The following PRKAG2 variants were observed in gnomAD, a reference collection of about 807,000 sequenced individuals.
PRKAG2 encodes the protein 5'-AMP-activated protein kinase subunit gamma-2.
In PRKAG2, 26 loss-of-function variants were observed where a neutral mutation model predicts 69.6. The observed-to-expected ratio is 0.37, with a 90% confidence interval of 0.27 to 0.52. The LOEUF (loss-of-function observed/expected upper bound fraction) is 0.52. PRKAG2 is among the 20% of genes least tolerant of loss of function. PRKAG2 has a pLI of 0.90. For synonymous variants in PRKAG2, 293 were observed against 285.0 expected, an observed-to-expected ratio of 1.03 and a Z score of -0.28; for missense variants, 557 against 740.0, an observed-to-expected ratio of 0.75 and a Z score of 2.87.
intron 4 of PRKAG2, among the ~76,000 whole-genome samples, chr7:151,648,027 A>C (rs1487844868): frequency 6.6e-6 from 1 of 152,146 alleles, no homozygotes; most frequent in Non-Finnish European, 1.5e-5. Flanking sequence ...GAATGCTGCA[A>C]TCAATCTGTT....
rs536761297 is a variant in PRKAG2 at position 151,836,033 on chromosome 7, A to ACCCAGGT, written c.114+40473_114+40474insACCTGGG. Among the ~76,000 whole-genome samples the ACCCAGGT allele has an allele frequency of 1.2e-4, 18 of 152,230 alleles. No homozygotes were observed. The South Asian group carries it at 3.7e-3, about 32-fold the overall frequency. ...ATTTGTGGGACTTGCAGGACCCAGG[A>ACCCAGGT]CCCAGTGCACATCCTGAGTCTAACT... On this transcript the variant is annotated intron_variant, in intron 1 of 15. Transcript: ENST00000287878. This position sits in a 1 kb window ranked among gnomAD's most constrained non-coding sequence, Gnocchi z 4.1.
At chr7:151,821,962 C>G (rs113611655) in intron 1 of PRKAG2, among the ~76,000 whole-genome samples, 1 of 152,154 alleles carries the variant, frequency 6.6e-6, no homozygotes, top group Admixed American at 6.5e-5. Context: ...CTGAGTTTTA[C>G]GGAGGCGAAC....
intron 1 of PRKAG2, among the ~76,000 whole-genome samples, chr7:151,801,858 A>G (rs1307427662): frequency 6.6e-6 from 1 of 152,192 alleles, no homozygotes; most frequent in African/African-American, 2.4e-5. Flanking sequence ...TCAAACAAGA[A>G]AAAGCAAAAA....
chr7:151,557,097 C>G lies in PRKAG2; in HGVS notation c.*104G>C. The G allele has an allele frequency of 1.9e-6, 3 of 1,548,630 alleles. No individual in the cohort carries two copies. Among genetic ancestry groups the G allele is most frequent in the Non-Finnish European group, 2.7e-6 (3 of 1,121,298 alleles). On this transcript the variant is annotated 3_prime_UTR_variant, in exon 16 of 16. Transcript: ENST00000287878. ...CTGGAAGAAATACCTATTGTTAAAC[C>G]CTGATATACATTCTTAACCACTTGC...
intron 4 of PRKAG2, among the ~76,000 whole-genome samples, chr7:151,660,417 T>C (rs1051344581): frequency 1.3e-5 from 2 of 152,254 alleles, no homozygotes; most frequent in Non-Finnish European, 2.9e-5. Context: ...TGAGCCATTC[T>C]ACTGAAATTG....
At chr7:151,859,818 G>T (rs1377405762) in intron 1 of PRKAG2, among the ~76,000 whole-genome samples, 1 of 152,234 alleles carries the variant, frequency 6.6e-6, no homozygotes, top group African/African-American at 2.4e-5. Context: ...GTGCCAAGCA[G>T]TTGAATGATC....
At chr7:151,709,354 A>G (rs1839168740) in intron 3 of PRKAG2, among the ~76,000 whole-genome samples, 1 of 151,854 alleles carries the variant, frequency 6.6e-6, no homozygotes, top group Non-Finnish European at 1.5e-5. Context: ...ATGATATGCA[A>G]TGTGTGACAT....
chr7:151,688,532 C>T (rs1176960237), intron 3 of PRKAG2, among the ~76,000 whole-genome samples: 1 of 152,162 alleles, frequency 6.6e-6, no homozygotes, highest in Non-Finnish European at 1.5e-5. Context: ...AGGGAGGCCT[C>T]CATCATCAGA....
intron 4 of PRKAG2, among the ~76,000 whole-genome samples, chr7:151,642,930 G>A (rs145912626): frequency 6.6e-6 from 1 of 152,328 alleles, no homozygotes; most frequent in Non-Finnish European, 1.5e-5. Context: ...CAGAACCAGG[G>A]TAGTTGGTTA....
chr7:151,682,425 G>T (rs1585730890), intron 3 of PRKAG2, among the ~76,000 whole-genome samples: 1 of 152,140 alleles, frequency 6.6e-6, no homozygotes, highest in African/African-American at 2.4e-5. Context: ...TTTTTGTAGA[G>T]ATGGCATCTT....
chr7:151,728,148 G>A (rs1011311802), intron 3 of PRKAG2, among the ~76,000 whole-genome samples: 4 of 152,106 alleles, frequency 2.6e-5, no homozygotes, highest in African/African-American at 9.7e-5. Flanking sequence ...CCACTGTCAT[G>A]AGACACCCGG....
intron 3 of PRKAG2, among the ~76,000 whole-genome samples, chr7:151,757,874 C>T (rs34563855): frequency 0.048 from 7,330 of 152,282 alleles, 252 homozygotes; most frequent in Non-Finnish European, 0.072. Flanking sequence ...CGTAAAAGGG[C>T]TTTTGTTGAT....
chr7:151,832,041 T>TGGAGGAATCTCAGGAGTCTGGACTAGAAG (rs2079036837), intron 1 of PRKAG2, among the ~76,000 whole-genome samples: 1 of 152,004 alleles, frequency 6.6e-6, no homozygotes, highest in Non-Finnish European at 1.5e-5. Context: ...ATCTCCAAGA[T>TGGAGGAATCTCAGGAGTCTGGACTAGAAG]GGAGGAATCT....
intron 3 of PRKAG2, among the ~76,000 whole-genome samples, chr7:151,714,182 C>T (rs962044219): frequency 6.6e-6 from 1 of 152,168 alleles, no homozygotes; most frequent in Non-Finnish European, 1.5e-5. Flanking sequence ...CAAGATCTCA[C>T]AAGAAGAGCA....
Position 151,835,789 on chromosome 7 carries a change from C to T in PRKAG2, c.114+40718G>A, listed in dbSNP as rs2079133207. Among the ~76,000 whole-genome samples, 1 of 152,202 alleles carries T rather than the reference C, an allele frequency of 6.6e-6. No homozygotes were observed. Among genetic ancestry groups the T allele is most frequent in the African/African-American group, 2.4e-5 (1 of 41,456 alleles). On this transcript the variant is annotated intron_variant, in intron 1 of 15. Coordinates refer to ENST00000287878, the MANE Select transcript of PRKAG2 (RefSeq NM_016203.4). This position sits in a 1 kb window ranked among gnomAD's most constrained non-coding sequence, Gnocchi z 4.1. Reference sequence around the variant, plus strand: ...CGGACATCCCGGGGGCTCTCGTGGGCAGCCTGGTGATGCCAGGAGGAAGGG... The same window carrying T: ...CGGACATCCCGGGGGCTCTCGTGGGTAGCCTGGTGATGCCAGGAGGAAGGG...
intron 3 of PRKAG2, among the ~76,000 whole-genome samples, chr7:151,723,008 G>C (rs1017556076): frequency 6.6e-6 from 1 of 152,092 alleles, no homozygotes; most frequent in African/African-American, 2.4e-5. Flanking sequence ...ATCCCCTGCA[G>C]CCTGCCCACT....
intron 4 of PRKAG2, among the ~76,000 whole-genome samples, chr7:151,670,956 C>T (rs1454183911): frequency 6.6e-6 from 1 of 152,028 alleles, no homozygotes; most frequent in African/African-American, 2.4e-5. Context: ...GCGGATTCAC[C>T]TGAGGTCAAG....
At chr7:151,867,240 G>T (rs1235314561) in intron 1 of PRKAG2, among the ~76,000 whole-genome samples, 2 of 152,176 alleles carry the variant, frequency 1.3e-5, no homozygotes, top group Non-Finnish European at 2.9e-5. Flanking sequence ...TTGAGGGCAG[G>T]GCCCTGTTGG....
intron 3 of PRKAG2, among the ~76,000 whole-genome samples, chr7:151,745,284 A>G (rs2074204385): frequency 6.6e-6 from 1 of 152,166 alleles, no homozygotes; most frequent in African/African-American, 2.4e-5. Context: ...GAGCAGCAAC[A>G]CGCCTTAGCA....
Sources: allele counts gnomAD v4.1 joint callset (sites outside exome capture counted in the v4.1 genomes callset), GRCh38; gene constraint gnomAD v4.1.1; non-coding constraint Gnocchi (gnomAD v3.1); transcripts MANE v1.5; gene names NCBI Gene and HGNC (gene_info 2026-07-23, HGNC 2026-07-21).